The following LPAR1 variants were observed in gnomAD, a reference collection of about 807,000 sequenced individuals.
LPAR1 encodes lysophosphatidic acid receptor 1.
LPAR1 carries 5 observed loss-of-function variants against 23.8 expected under a neutral mutation model. The observed-to-expected ratio is 0.21, with a 90% confidence interval of 0.11 to 0.44. LPAR1 has a LOEUF of 0.44. LPAR1 is among the 20% of genes least tolerant of loss of function. The probability of loss-of-function intolerance (pLI) is 0.99; values close to 1 mark genes in which losing one functional copy is unlikely to be tolerated. For missense variants in LPAR1, 311 were observed against 482.8 expected (o/e 0.64, Z 3.33); for synonymous variants, 160 against 164.7 (o/e 0.97, Z 0.22).
chr9:110,998,658 T>C (rs2097068253), intron 2 of LPAR1, among the ~76,000 whole-genome samples: 1 of 152,238 alleles, frequency 6.6e-6, no homozygotes, highest in South Asian at 2.1e-4. Context: ...ATCTGTAGCA[T>C]AAAGCTATTA....
At chr9:110,891,171 A>T (rs1485456110) in intron 5 of LPAR1, among the ~76,000 whole-genome samples, 1 of 152,210 alleles carries the variant, frequency 6.6e-6, no homozygotes, top group Non-Finnish European at 1.5e-5. Context: ...CTATTCAATC[A>T]ACTATTAGAA....
At chr9:110,985,962 CA>C (rs892819827) in intron 2 of LPAR1, among the ~76,000 whole-genome samples, 2 of 149,488 alleles carry the variant, frequency 1.3e-5, no homozygotes, top group Non-Finnish European at 3.0e-5. Flanking sequence ...AGACAGAGAG[CA>C]AGAAGAGAAG....
At chr9:110,944,214 C>A (rs1452668792) in intron 4 of LPAR1, among the ~76,000 whole-genome samples, 11 of 152,134 alleles carry the variant, frequency 7.2e-5, no homozygotes, top group Non-Finnish European at 1.5e-4. Flanking sequence ...AATGCCAAGG[C>A]TGCTGGTCCA....
chr9:110,970,096 A>G (rs2096367316), intron 4 of LPAR1, among the ~76,000 whole-genome samples: 1 of 152,194 alleles, frequency 6.6e-6, no homozygotes, highest in South Asian at 2.1e-4. Flanking sequence ...ATTTTAATTA[A>G]ATGAGTCATT....
intron 4 of LPAR1, among the ~76,000 whole-genome samples, chr9:110,963,481 G>A (rs2096076413): frequency 6.6e-6 from 1 of 152,030 alleles, no homozygotes; most frequent in Non-Finnish European, 1.5e-5. Flanking sequence ...GGGTCTTCTG[G>A]CATACCACAT....
chr9:110,917,645 G>GCAT (rs1467765717), intron 5 of LPAR1, among the ~76,000 whole-genome samples: 1 of 152,132 alleles, frequency 6.6e-6, no homozygotes, highest in Non-Finnish European at 1.5e-5. Context: ...CATAGCTGAT[G>GCAT]CATCCATCAC....
intron 2 of LPAR1, among the ~76,000 whole-genome samples, chr9:111,019,925 A>G (rs2097531051): frequency 2.0e-5 from 3 of 152,342 alleles, no homozygotes; most frequent in Admixed American, 6.5e-5. Flanking sequence ...AATGTAATAC[A>G]GGGTGCCAGC....
chr9:110,967,732 T>C (rs1443443054), intron 4 of LPAR1, among the ~76,000 whole-genome samples: 4 of 152,166 alleles, frequency 2.6e-5, no homozygotes, highest in Admixed American at 6.5e-5. Flanking sequence ...GCAAAACTGA[T>C]AATAAGAGAG....
At chr9:110,893,327 A>C (rs1289782166) in intron 5 of LPAR1, among the ~76,000 whole-genome samples, 1 of 152,238 alleles carries the variant, frequency 6.6e-6, no homozygotes, top group African/African-American at 2.4e-5. Context: ...TAACGGTAGA[A>C]AATTAGAAAC....
At position 110,947,571 on chromosome 9, in the gene LPAR1, T is replaced by C. The variant is rs73657205; in HGVS notation, c.46-5403A>G. On this transcript the variant is annotated intron_variant, in intron 4 of 5. Transcript: ENST00000683809. ...CAAGCCTAAACGCTAAAGAGTCACA[T>C]ATGTTGTTTACCTTCACCATGCAAT... Among the ~76,000 whole-genome samples the C allele has an allele frequency of 8.4e-3, 1,278 of 152,312 alleles. 22 individuals are homozygous for C. The highest frequency in any genetic ancestry group is 0.029 in the African/African-American group (1,206 of 41,558).
At chr9:111,033,354 CCTCCT>C (rs1451096846) in intron 2 of LPAR1, among the ~76,000 whole-genome samples, 1 of 152,196 alleles carries the variant, frequency 6.6e-6, no homozygotes, top group African/African-American at 2.4e-5. Flanking sequence ...TGCCACCCCT[CCTCCT>C]CTCCTACCAA....
chr9:111,005,361 C>T (rs149704161), intron 2 of LPAR1, among the ~76,000 whole-genome samples: 166 of 150,348 alleles, frequency 1.1e-3, no homozygotes, highest in African/African-American at 3.9e-3. Flanking sequence ...ATCACTTGAG[C>T]TCAGGAGACC....
At chr9:111,013,045 C>A (rs559755450) in intron 2 of LPAR1, among the ~76,000 whole-genome samples, 1 of 152,222 alleles carries the variant, frequency 6.6e-6, no homozygotes. Context: ...ATGAAAATCG[C>A]TGATATCTGC....
chr9:110,893,740 T>C (rs182440546), intron 5 of LPAR1, among the ~76,000 whole-genome samples: 1 of 152,302 alleles, frequency 6.6e-6, no homozygotes, highest in East Asian at 1.9e-4. Flanking sequence ...AAACGTGGTC[T>C]CAATTCCTGC....
intron 5 of LPAR1, among the ~76,000 whole-genome samples, chr9:110,891,594 C>T (rs2133224384): frequency 6.6e-6 from 1 of 152,136 alleles, no homozygotes; most frequent in South Asian, 2.1e-4. Flanking sequence ...TATTTTAAAA[C>T]ATGAAGAAAA....
chr9:110,937,228 G>A (rs1394570389), intron 5 of LPAR1, among the ~76,000 whole-genome samples: 1 of 152,222 alleles, frequency 6.6e-6, no homozygotes, highest in Non-Finnish European at 1.5e-5. Context: ...AGCACAGCTA[G>A]GCAGTTTCAA....
chr9:110,949,431 C>A (rs546030050), intron 4 of LPAR1, among the ~76,000 whole-genome samples: 5 of 152,302 alleles, frequency 3.3e-5, no homozygotes, highest in Admixed American at 3.3e-4. Context: ...TGTTTCTATT[C>A]TTTAATGCTT....
chr9:110,940,546 C>T (rs546137710), intron 5 of LPAR1, among the ~76,000 whole-genome samples: 1 of 152,178 alleles, frequency 6.6e-6, no homozygotes, highest in East Asian at 1.9e-4. Flanking sequence ...TTAATGTGAT[C>T]AAACGTTAAC....
At chr9:111,024,662 T>C (rs968210843) in intron 2 of LPAR1, among the ~76,000 whole-genome samples, 1 of 151,668 alleles carries the variant, frequency 6.6e-6, no homozygotes. Context: ...AAACTCGCCA[T>C]CTACATTAGG....
Sources: gnomAD v4.1 joint callset for allele counts (sites outside exome capture counted in the v4.1 genomes callset) on GRCh38, gnomAD v4.1.1 for gene constraint, MANE v1.5 for transcripts, NCBI Gene and HGNC (gene_info 2026-07-23, HGNC 2026-07-21) for gene names.